Variants in ALB observed in about 807,000 individuals in gnomAD.
ALB encodes the protein serum albumin.
In ALB, 37 loss-of-function variants were observed where a neutral mutation model predicts 74.5. The ratio of observed to expected loss-of-function variants is 0.50; its 90% confidence interval spans 0.38 to 0.65. The LOEUF (loss-of-function observed/expected upper bound fraction) is 0.65. Ranked by LOEUF, ALB falls within the 30% of genes least tolerant of loss-of-function variation. The pLI is 0.00. For missense variants in ALB, 685 were observed against 718.7 expected, an observed-to-expected ratio of 0.95 and a Z score of 0.54; for synonymous variants, 249 against 251.6, an observed-to-expected ratio of 0.99 and a Z score of 0.10.
In ALB at chr4:73,408,714, G is replaced by T; in HGVS notation, c.391G>T (p.Asp131Tyr). Reference protein sequence around the residue: ...ERNECFLQHKDDNPNLPRLVR... With the variant: ...ERNECFLQHKYDNPNLPRLVR... Reference sequence around the variant, plus strand: ...AAATGAATGCTTCTTGCAACACAAAGATGACAACCCAAACCTCCCCCGATT... The same window carrying T: ...AAATGAATGCTTCTTGCAACACAAATATGACAACCCAAACCTCCCCCGATT... The change falls in exon 4 of 15, where the codon GAT (aspartate) becomes TAT (tyrosine). Residue 131 changes from aspartate to tyrosine, a missense_variant. Coordinates refer to ENST00000295897, the MANE Select transcript of ALB (RefSeq NM_000477.7). The T allele has an allele frequency of 6.2e-7, 1 of 1,614,032 alleles. No individual in the cohort carries two copies. The highest frequency in any genetic ancestry group is 8.5e-7 in the Non-Finnish European group (1 of 1,179,934).
Position 73,416,315 on chromosome 4 carries a change from G to C in ALB, c.1251G>C (p.Glu417Asp). The change falls in exon 10 of 15, where the codon GAG becomes GAC. Residue 417 changes from glutamate to aspartate, a missense_variant. Transcript: ENST00000295897. The stretch of plus-strand genomic sequence containing the variant: ...AGAATTTAATCAAACAAAATTGTGA[G>C]CTTTTTGAGCAGCTTGGAGAGTACA... ...EPQNLIKQNC[E>D]LFEQLGEYKF... is the part of the protein sequence containing the mutation. 7 of 1,613,654 alleles carry C rather than the reference G, an allele frequency of 4.3e-6. No individual in the cohort carries two copies. Among genetic ancestry groups the C allele is most frequent in the Non-Finnish European group, 5.9e-6 (7 of 1,179,746 alleles).
In ALB at chr4:73,418,095, T is replaced by C. The variant is rs1719060905; in HGVS notation, c.1436T>C (p.Val479Ala). Reference protein sequence around the residue: ...RMPCAEDYLSVVLNQLCVLHE... With the variant: ...RMPCAEDYLSAVLNQLCVLHE... ...CTCCTGCCTGTTCTTTAGCTATCCGTGGTCCTGAACCAGTTATGTGTGTTG... is the reference window on the plus strand; with the variant it reads ...CTCCTGCCTGTTCTTTAGCTATCCGCGGTCCTGAACCAGTTATGTGTGTTG... The change falls in exon 12 of 15, where the codon GTG becomes GCG. Residue 479 changes from valine (V) to alanine (A), a missense_variant. By Grantham distance (64) the Val-to-Ala change is moderately conservative (BLOSUM62 0). Coordinates refer to ENST00000295897, the MANE Select transcript of ALB (RefSeq NM_000477.7). 6.2e-7 allele frequency: 1 copy of C among 1,614,078 alleles called. No homozygotes were observed.
rs764057453 is a variant in ALB at position 73,413,576 on chromosome 4, G to A, written c.1000G>A (p.Val334Ile). ...ADLPSLAADF[V>I]ESKDVCKNYA... ...CTTGCCTTCATTAGCTGCTGATTTT[G>A]TTGAAAGTAAGGATGTTTGCAAAAA... is the stretch of plus-strand genomic sequence containing the variant. Residue 334 changes from valine (V) to isoleucine (I), a missense_variant, in exon 8 of 15, where the codon GTT becomes ATT. Transcript: ENST00000295897. 1 of 1,614,174 alleles carries A rather than the reference G, an allele frequency of 6.2e-7. No homozygotes were observed. Among genetic ancestry groups the A allele is most frequent in the South Asian group, 1.1e-5 (1 of 91,082 alleles).
At chr4:73,406,933 C>G (rs550326970) in intron 3 of ALB, among the ~76,000 whole-genome samples, 172 bp downstream of exon 3, 1 of 152,234 alleles carries the variant, frequency 6.6e-6, no homozygotes, top group East Asian at 1.9e-4. Flanking sequence ...GATAGAGATG[C>G]TTTAGCTATG....
chr4:73,419,301 A>G (rs544263335), intron 12 of ALB: 12 of 585,272 alleles, frequency 2.1e-5, no homozygotes, highest in African/African-American at 9.3e-5. Flanking sequence ...CACCAACTCC[A>G]TGAAAGTGGA....
Position 73,418,115 on chromosome 4 carries a change from G to T in ALB, c.1456G>T (p.Val486Leu). 2 of 1,614,118 alleles carry T rather than the reference G, an allele frequency of 1.2e-6. No homozygotes were observed. Among genetic ancestry groups the T allele is most frequent in the Non-Finnish European group, 1.7e-6 (2 of 1,180,008 alleles). The change falls in exon 12 of 15, where the codon GTG becomes TTG. Residue 486 changes from valine to leucine, a missense_variant. Coordinates refer to ENST00000295897, the MANE Select transcript of ALB (RefSeq NM_000477.7). ...YLSVVLNQLCVLHEKTPVSDR... is the reference protein window; with the variant it reads ...YLSVVLNQLCLLHEKTPVSDR... ...ATCCGTGGTCCTGAACCAGTTATGT[G>T]TGTTGCATGAGAAAACGCCAGTAAG...
In ALB at chr4:73,408,709, A is replaced by G. The variant is rs1396702639; in HGVS notation, c.386A>G (p.His129Arg). 13 of 1,614,090 alleles carry G rather than the reference A, an allele frequency of 8.1e-6. No homozygotes were observed. Among genetic ancestry groups the G allele is most frequent in the Non-Finnish European group, 1.1e-5 (13 of 1,179,942 alleles). ...EPERNECFLQ[H>R]KDDNPNLPRL... ...GAGAGAAATGAATGCTTCTTGCAAC[A>G]CAAAGATGACAACCCAAACCTCCCC... is the stretch of plus-strand genomic sequence containing the variant. Residue 129 changes from histidine to arginine, a missense_variant, in exon 4 of 15, where the codon CAC becomes CGC. Physicochemically the swap from His to Arg is conservative, Grantham distance 29. Transcript: ENST00000295897.
chr4:73,410,441 AT>A (rs748077270), intron 6 of ALB, 32 bp downstream of exon 6: 27 of 1,451,586 alleles, frequency 1.9e-5, no homozygotes, highest in Non-Finnish European at 2.5e-5. Context: ...TGGCATCTTT[AT>A]AACGATGTAA....
At chr4:73,405,002 T>C (rs1395412544) in intron 1 of ALB, 114 bp from the exon 2 acceptor site, 5 of 984,842 alleles carry the variant, frequency 5.1e-6, no homozygotes, top group East Asian at 2.5e-5. Flanking sequence ...CAGAGCCCAA[T>C]ATTTTGAAAC....
chr4:73,409,165 A>ACACG (rs1718805694), intron 4 of ALB, 190 bp from the exon 5 acceptor site: 1 of 674,236 alleles, frequency 1.5e-6, no homozygotes, highest in African/African-American at 1.8e-5. Context: ...ACACACACAC[A>ACACG]CACACACTTA....
In ALB at chr4:73,406,775, A is replaced by G. The variant is rs1718740189; in HGVS notation, c.270+14A>G. Reference sequence around the variant, plus strand: ...GACAAATCACTTGTAAGTACATTCTAATTGTGGAGATTCTTTCTTCTGTTT... The same window carrying G: ...GACAAATCACTTGTAAGTACATTCTGATTGTGGAGATTCTTTCTTCTGTTT... On this transcript the variant is annotated intron_variant, in intron 3 of 14. Coordinates refer to ENST00000295897, the MANE Select transcript of ALB (RefSeq NM_000477.7). 1 of 1,613,288 alleles carries G rather than the reference A, an allele frequency of 6.2e-7. No individual in the cohort carries two copies. The highest frequency in any genetic ancestry group is 8.5e-7 in the Non-Finnish European group (1 of 1,179,812).
intron 2 of ALB, 129 bp downstream of exon 2, chr4:73,405,302 G>A (rs1043914340): frequency 4.0e-5 from 31 of 771,958 alleles, no homozygotes; most frequent in Middle Eastern, 3.4e-4. Context: ...AGTTTTCTGC[G>A]TTGAGGAAGA....
chr4:73,417,489 A>G (rs750017457), intron 10 of ALB, 42 bp from the exon 11 acceptor site: 13 of 1,611,674 alleles, frequency 8.1e-6, no homozygotes, highest in Non-Finnish European at 1.1e-5. Context: ...TATGTTAGAC[A>G]GTTTCTTGCC....
intron 12 of ALB, 54 bp downstream of exon 12, chr4:73,418,365 C>T (rs1352959518): frequency 1.3e-5 from 20 of 1,510,662 alleles, no homozygotes; most frequent in Non-Finnish European, 1.7e-5. Flanking sequence ...CAAGAACTGT[C>T]AATTCAAGCT....
chr4:73,421,433 A>G lies in ALB; in HGVS notation c.*365A>G. Reference sequence around the variant, plus strand: ...TCTAAGTTATGGATTATAAACATTCAAAATAATATTTTGACATTATGATAA... The same window carrying G: ...TCTAAGTTATGGATTATAAACATTCGAAATAATATTTTGACATTATGATAA... On this transcript the variant is annotated 3_prime_UTR_variant, in exon 15 of 15. Transcript: ENST00000295897. 4.7e-6 allele frequency: 1 copy of G among 211,920 alleles called. No homozygotes were observed. The highest frequency in any genetic ancestry group is 9.5e-5 in the East Asian group (1 of 10,570). 13.1% of individuals were successfully genotyped at this position (211,920 alleles called of 1,614,324 possible). A position where few individuals can be genotyped will look rare whatever the true frequency, so the allele number is the denominator to read the frequency against.
intron 13 of ALB, 76 bp from the exon 14 acceptor site, chr4:73,420,178 G>A (rs764091962): frequency 8.8e-5 from 116 of 1,312,596 alleles, no homozygotes; most frequent in Non-Finnish European, 8.0e-5. Context: ...ATCATCAATA[G>A]CTTCATAAAT....
chr4:73,404,520 C>T (rs1424193509), intron 1 of ALB, 114 bp downstream of exon 1: 22 of 892,394 alleles, frequency 2.5e-5, no homozygotes, highest in Non-Finnish European at 3.6e-5. Context: ...TCTAAAATGG[C>T]ATAGTATTTT....
rs57193077 is a variant in ALB, at chr4:73,412,136, G to A, written c.843+11G>A. ...TGTGCTGATGACAGGGTAAAGAGTC[G>A]TCGATATGCTTTTTGGTAGCTTGCA... On this transcript the variant is annotated intron_variant, in intron 7 of 14. Transcript: ENST00000295897. 149 of 1,613,744 alleles carry A rather than the reference G, an allele frequency of 9.2e-5. No individual in the cohort carries two copies. Among genetic ancestry groups the A allele is most frequent in the Middle Eastern group, 1.6e-4 (1 of 6,080 alleles).
intron 11 of ALB, 148 bp downstream of exon 11, chr4:73,417,817 G>C: frequency 1.2e-6 from 1 of 807,106 alleles, no homozygotes; most frequent in Non-Finnish European, 1.9e-6. Context: ...GTGTGTATGT[G>C]TGATATTGGC....
Sources: allele counts gnomAD v4.1 joint callset (sites outside exome capture counted in the v4.1 genomes callset), GRCh38; gene constraint gnomAD v4.1.1; transcripts MANE v1.5; gene names NCBI Gene and HGNC (gene_info 2026-07-23, HGNC 2026-07-21).